Variants in TMEM163 observed in about 807,000 individuals in gnomAD.
TMEM163 encodes transmembrane protein 163.
TMEM163 carries 17 observed loss-of-function variants against 29.3 expected under a neutral mutation model. The ratio of observed to expected loss-of-function variants is 0.58; its 90% CI spans 0.40 to 0.87. The LOEUF (loss-of-function observed/expected upper bound fraction) is 0.87. Ranked by LOEUF, TMEM163 falls within the 40% of genes least tolerant of loss-of-function variation. The probability of loss-of-function intolerance (pLI) is 0.00; values close to 1 mark genes in which losing one functional copy is unlikely to be tolerated. For missense variants in TMEM163, 303 were observed against 381.5 expected, an observed-to-expected ratio of 0.79 and a Z score of 1.71; for synonymous variants, 157 against 160.6, an observed-to-expected ratio of 0.98 and a Z score of 0.17.
intron 2 of TMEM163, among the ~76,000 whole-genome samples, chr2:134,659,221 A>G (rs999538369): frequency 1.9e-4 from 29 of 152,366 alleles, no homozygotes; most frequent in African/African-American, 7.0e-4. Context: ...CGACCTTACA[A>G]TGTCACTAAG....
At chr2:134,519,822 G>A (rs1680155943) in intron 4 of TMEM163, among the ~76,000 whole-genome samples, 1 of 150,810 alleles carries the variant, frequency 6.6e-6, no homozygotes, top group Non-Finnish European at 1.5e-5. Flanking sequence ...CCTGGGAGGT[G>A]GAGGCAGGAG....
At chr2:134,662,688 C>A (rs1683782875) in intron 2 of TMEM163, among the ~76,000 whole-genome samples, 1 of 152,166 alleles carries the variant, frequency 6.6e-6, no homozygotes, top group Non-Finnish European at 1.5e-5. Flanking sequence ...TTGTTATCAT[C>A]CCTTGACATT....
intron 2 of TMEM163, among the ~76,000 whole-genome samples, chr2:134,584,587 G>A (rs1048306102): frequency 1.6e-4 from 24 of 149,766 alleles, no homozygotes; most frequent in Non-Finnish European, 2.8e-4. Flanking sequence ...ACCCAGAAAC[G>A]TAAGTTTCTT....
At chr2:134,709,461 A>T (rs2104898475) in intron 2 of TMEM163, among the ~76,000 whole-genome samples, 1 of 152,344 alleles carries the variant, frequency 6.6e-6, no homozygotes, top group Non-Finnish European at 1.5e-5. Flanking sequence ...AGACATATGA[A>T]TGCCAACCAT....
At chr2:134,565,354 C>T (rs1042372451) in intron 2 of TMEM163, among the ~76,000 whole-genome samples, 15 of 152,036 alleles carry the variant, frequency 9.9e-5, no homozygotes, top group Non-Finnish European at 2.2e-4. Flanking sequence ...GCCTGTACTC[C>T]CAGCACTTTG....
chr2:134,671,408 C>T (rs969557810), intron 2 of TMEM163, among the ~76,000 whole-genome samples: 1 of 152,102 alleles, frequency 6.6e-6, no homozygotes, highest in Non-Finnish European at 1.5e-5. Flanking sequence ...CCACAGATGA[C>T]CATGGCGCTG....
chr2:134,657,189 A>C (rs536987361), intron 2 of TMEM163, among the ~76,000 whole-genome samples: 1 of 152,310 alleles, frequency 6.6e-6, no homozygotes, highest in East Asian at 1.9e-4. Context: ...TTCTTTGTAC[A>C]TCTGGTAGAA....
At chr2:134,704,120 G>T (rs1294126886) in intron 2 of TMEM163, among the ~76,000 whole-genome samples, 1 of 151,956 alleles carries the variant, frequency 6.6e-6, no homozygotes, top group Non-Finnish European at 1.5e-5. Flanking sequence ...ACACCTACTG[G>T]GCCTTGGTCA....
rs766253667 is a variant in TMEM163, at chr2:134,701,028, T to C, written c.322+12172A>G. Among the ~76,000 whole-genome samples, 94 of 151,586 alleles carry C rather than the reference T, an allele frequency of 6.2e-4. 2 individuals are homozygous for C. The highest frequency in any genetic ancestry group is 1.8e-4 in the Non-Finnish European group (12 of 67,946). On this transcript the variant is annotated intron_variant, in intron 2 of 7. Coordinates refer to ENST00000281924, the MANE Select transcript of TMEM163 (RefSeq NM_030923.5). ...CTCCAGAAAACTAGATGAATGCAGA[T>C]GCATGGGGCATAGAGACGGTCCACA...
intron 5 of TMEM163, among the ~76,000 whole-genome samples, chr2:134,472,345 T>C (rs1262439610): frequency 6.6e-6 from 1 of 152,164 alleles, no homozygotes; most frequent in Admixed American, 6.5e-5. Context: ...AAGATATATG[T>C]GAGAGACAGT....
intron 2 of TMEM163, among the ~76,000 whole-genome samples, chr2:134,658,724 A>G (rs1683678595): frequency 6.6e-6 from 1 of 151,874 alleles, no homozygotes; most frequent in Non-Finnish European, 1.5e-5. Context: ...CAGCCTCCTA[A>G]GTAGCTGGGA....
At chr2:134,592,245 G>C (rs909174869) in intron 2 of TMEM163, among the ~76,000 whole-genome samples, 1 of 152,154 alleles carries the variant, frequency 6.6e-6, no homozygotes, top group Non-Finnish European at 1.5e-5. Context: ...CCTTCAGAGA[G>C]AATAGATAGT....
chr2:134,698,403 C>T (rs1356269796), intron 2 of TMEM163, among the ~76,000 whole-genome samples: 1 of 152,128 alleles, frequency 6.6e-6, no homozygotes, highest in Admixed American at 6.5e-5. Context: ...TAAATTTTCT[C>T]GTATTACTAA....
chr2:134,483,073 G>A (rs192258391), intron 5 of TMEM163, among the ~76,000 whole-genome samples: 30 of 152,252 alleles, frequency 2.0e-4, no homozygotes, highest in Admixed American at 3.3e-4. Flanking sequence ...AGCAGCGGCC[G>A]AGGGCTACGA....
At chr2:134,467,246 C>CA (rs1686689635) in intron 5 of TMEM163, 1 of 152,226 alleles carries the variant, frequency 6.6e-6, no homozygotes, top group Admixed American at 6.5e-5. Flanking sequence ...TTTGCTACTC[C>CA]ATCCTCCAAG....
At chr2:134,698,945 C>T (rs1413830012) in intron 2 of TMEM163, among the ~76,000 whole-genome samples, 5 of 152,148 alleles carry the variant, frequency 3.3e-5, no homozygotes, top group Admixed American at 3.3e-4. Flanking sequence ...TGCATGGCTC[C>T]ACATTGAGCC....
intron 2 of TMEM163, among the ~76,000 whole-genome samples, chr2:134,646,852 G>A (rs1452911383): frequency 6.6e-6 from 1 of 152,160 alleles, no homozygotes; most frequent in African/African-American, 2.4e-5. Context: ...AACAATTCCA[G>A]GAGACCACAG....
At chr2:134,664,871 GTTTTGTTTTA>G (rs1683838567) in intron 2 of TMEM163, among the ~76,000 whole-genome samples, 1 of 151,438 alleles carries the variant, frequency 6.6e-6, no homozygotes. Context: ...GTTTTTTTTT[GTTTTGTTTTA>G]TTTTGTTTTG....
chr2:134,513,473 C>A (rs188772326), intron 4 of TMEM163, among the ~76,000 whole-genome samples: 60 of 152,334 alleles, frequency 3.9e-4, no homozygotes, highest in Non-Finnish European at 6.9e-4. Context: ...ACGACGGATC[C>A]AGCTGGGAAG....
Sources: allele counts gnomAD v4.1 joint callset (sites outside exome capture counted in the v4.1 genomes callset), GRCh38; gene constraint gnomAD v4.1.1; transcripts MANE v1.5; gene names NCBI Gene and HGNC (gene_info 2026-07-23, HGNC 2026-07-21).